Variants in TNRC18 observed in about 807,000 individuals in gnomAD.
The protein encoded by TNRC18 is trinucleotide repeat containing 18.
In TNRC18, 69 loss-of-function variants were observed where a neutral mutation model predicts 226.7. The ratio of observed to expected loss-of-function variants is 0.30; its 90% CI spans 0.25 to 0.37. The LOEUF (loss-of-function observed/expected upper bound fraction) is 0.37, where lower values mean the gene tolerates loss of function less well. Among genes scored for constraint, TNRC18 ranks in the 10% least tolerant of loss-of-function variants. TNRC18 has a pLI of 1.00. For missense variants in TNRC18, 4,754 were observed against 4,256.6 expected (o/e 1.12, Z -3.25); for synonymous variants, 2,449 against 1,927.6 (o/e 1.27, Z -7.09).
Position 5,388,115 on chromosome 7 carries a change from G to A in TNRC18, c.1709C>T (p.Ala570Val), listed in dbSNP as rs769286782. 1 of 1,553,184 alleles carries A rather than the reference G, an allele frequency of 6.4e-7. No homozygotes were observed. ...RSAATCGRPVADMHSAAHGSG... is the reference protein window; with the variant it reads ...RSAATCGRPVVDMHSAAHGSG... The stretch of plus-strand genomic sequence containing the variant: ...CCCGTGGGCCGCAGAGTGCATGTCA[G>A]CGACCGGCCGGCCGCAGGTGGCCGC... The change falls in exon 5 of 30, where the codon GCT becomes GTT. Residue 570 changes from alanine (A) to valine (V), a missense_variant. By Grantham distance (64) the Ala-to-Val change is moderately conservative (BLOSUM62 0). Transcript: ENST00000430969.
Position 5,332,730 on chromosome 7 carries a change from C to A in TNRC18, c.6039G>T (p.Ala2013=). 1.3e-6 allele frequency: 2 copies of A among 1,524,168 alleles called. No homozygotes were observed. The highest frequency in any genetic ancestry group is 1.8e-6 in the Non-Finnish European group (2 of 1,140,726). The allele number at this position is 1,524,168 out of a possible 1,614,324, so 94.4% of individuals were successfully genotyped here. A position where few individuals can be genotyped will look rare whatever the true frequency, so the allele number is the denominator to read the frequency against. The change falls in exon 19 of 30, where the codon GCG becomes GCT. Residue 2013 remains alanine, a synonymous_variant. Transcript: ENST00000430969. The part of the protein sequence containing the change: ...FLHDASAAAP[A]PVSTAPATKT... ...TGGTGGCGGGCGCGGTGCTGACGGG[C>A]GCAGGTGCAGCAGCCGAGGCGTCGT...
intron 15 of TNRC18, 64 bp downstream of exon 15, chr7:5,359,334 C>CT: frequency 1.3e-6 from 2 of 1,575,610 alleles, no homozygotes; most frequent in African/African-American, 1.3e-5. Flanking sequence ...AGCGTGAACT[C>CT]TTAACACACC....
chr7:5,320,259 A>T, intron 24 of TNRC18, 59 bp downstream of exon 24: 1 of 1,395,592 alleles, frequency 7.2e-7, no homozygotes, highest in Non-Finnish European at 9.9e-7. Context: ...TTTAGTAGCC[A>T]AACAAGTCCA....
Position 5,374,497 on chromosome 7 carries a change from C to T in TNRC18, c.2800-13G>A. On this transcript the variant is annotated splice_polypyrimidine_tract_variant and intron_variant, in intron 9 of 29. Transcript: ENST00000430969. ...TCAACCGCTCCTGCTGGGAAGGGGCCGGCAGGCAGGGTCAGCACGGCACGA... is the reference window on the plus strand; with the variant it reads ...TCAACCGCTCCTGCTGGGAAGGGGCTGGCAGGCAGGGTCAGCACGGCACGA... 2 of 1,541,474 alleles carry T rather than the reference C, an allele frequency of 1.3e-6. No homozygotes were observed. The highest frequency in any genetic ancestry group is 2.5e-5 in the East Asian group (1 of 39,806).
At chr7:5,395,140 G>A (rs1191723831) in intron 2 of TNRC18, among the ~76,000 whole-genome samples, 2 of 152,122 alleles carry the variant, frequency 1.3e-5, no homozygotes, top group Non-Finnish European at 2.9e-5. Flanking sequence ...AGAAGGTGAG[G>A]CTCAGAGATG....
intron 18 of TNRC18, among the ~76,000 whole-genome samples, chr7:5,336,770 G>A (rs560691299): frequency 1.3e-5 from 2 of 152,076 alleles, no homozygotes; most frequent in Non-Finnish European, 2.9e-5. Context: ...ATAAAACTGA[G>A]AAGTACAATT....
chr7:5,394,466 T>G lies in TNRC18; in HGVS notation c.317A>C (p.Gln106Pro). 1 of 1,555,578 alleles carries G rather than the reference T, an allele frequency of 6.4e-7. No individual in the cohort carries two copies. Among genetic ancestry groups the G allele is most frequent in the Non-Finnish European group, 8.7e-7 (1 of 1,150,944 alleles). The change falls in exon 3 of 30, where the codon CAG (glutamine) becomes CCG (proline). Residue 106 changes from glutamine (Q) to proline (P), a missense_variant. By Grantham distance (76) the Gln-to-Pro change is moderately conservative. Coordinates refer to ENST00000430969, the MANE Select transcript of TNRC18 (RefSeq NM_001080495.3). The surrounding 1 kb of genome is among the most constrained non-coding windows in gnomAD (Gnocchi z 4.5). ...SPTPSNLPMV[Q>P]LWAAHAHEGF... is the part of the protein sequence containing the mutation. ...TTCATGGGCGTGGGCGGCCCACAGCTGCACCATGGGCAGGTTGCTAGGGGT... is the reference window on the plus strand; with the variant it reads ...TTCATGGGCGTGGGCGGCCCACAGCGGCACCATGGGCAGGTTGCTAGGGGT...
chr7:5,363,472 C>T (rs551902195), intron 11 of TNRC18, among the ~76,000 whole-genome samples: 70 of 152,210 alleles, frequency 4.6e-4, no homozygotes, highest in Non-Finnish European at 7.2e-4. Context: ...GGTGTGGTGG[C>T]GGGCGCCTGT....
At position 5,418,851 on chromosome 7, in the gene TNRC18, C is replaced by G. The variant is rs572125214; in HGVS notation, c.187+2209G>C. Among the ~76,000 whole-genome samples the G allele has an allele frequency of 2.2e-4, 33 of 152,202 alleles. 1 individual carries two copies. The highest frequency in any genetic ancestry group is 5.2e-4 in the Admixed American group (8 of 15,284). On this transcript the variant is annotated intron_variant, in intron 2 of 29. Transcript: ENST00000430969. The stretch of plus-strand genomic sequence containing the variant: ...GAGAGTGAATGGGAGCTGCTCCCAC[C>G]TCGTGGCTAATGGGATTAGCACGGG...
At chr7:5,393,453 C>A (rs748503279) in intron 3 of TNRC18, among the ~76,000 whole-genome samples, 1 of 152,238 alleles carries the variant, frequency 6.6e-6, no homozygotes, top group Non-Finnish European at 1.5e-5. Context: ...CTGGGCTGAA[C>A]ACAGCAGCCG....
rs192422635 is a variant in TNRC18 at position 5,321,721 on chromosome 7, G to C, written c.6443-531C>G. On this transcript the variant is annotated intron_variant, in intron 21 of 29. Coordinates refer to ENST00000430969, the MANE Select transcript of TNRC18 (RefSeq NM_001080495.3). Reference sequence around the variant, plus strand: ...AGTTTCAATCTTGTTGCCCAGGCTGGAGTGCAATGGCATGATCTCGGCTCA... The same window carrying C: ...AGTTTCAATCTTGTTGCCCAGGCTGCAGTGCAATGGCATGATCTCGGCTCA... Among the ~76,000 whole-genome samples, 817 of 151,728 alleles carry C rather than the reference G, an allele frequency of 5.4e-3. 8 individuals carry two copies. The highest frequency in any genetic ancestry group is 0.019 in the African/African-American group (782 of 41,362).
At chr7:5,352,169 G>T (rs189570166) in intron 16 of TNRC18, 75 bp from the exon 17 acceptor site, 8 of 1,441,638 alleles carry the variant, frequency 5.5e-6, no homozygotes, top group Non-Finnish European at 7.4e-6. Flanking sequence ...TGGTTTTAAT[G>T]GTTCTGAGAA....
chr7:5,382,120 C>G (rs1248881452), intron 5 of TNRC18, among the ~76,000 whole-genome samples: 1 of 152,228 alleles, frequency 6.6e-6, no homozygotes, highest in Non-Finnish European at 1.5e-5. Flanking sequence ...TCCCAGCCCT[C>G]ATCCCTATCT....
In TNRC18 at chr7:5,388,038, C is replaced by T; in HGVS notation, c.1786G>A (p.Ala596Thr). 1 of 1,563,060 alleles carries T rather than the reference C, an allele frequency of 6.4e-7. No individual in the cohort carries two copies. The highest frequency in any genetic ancestry group is 8.7e-7 in the Non-Finnish European group (1 of 1,154,638). The change falls in exon 5 of 30, where the codon GCC becomes ACC. Residue 596 changes from alanine to threonine, a missense_variant. Coordinates refer to ENST00000430969, the MANE Select transcript of TNRC18 (RefSeq NM_001080495.3). ...GGGCGCACGGCCACGGCGTCCCGGG[C>T]AAAGCTGCCACTGTACTTTATAAGG... The part of the protein sequence containing the change: ...QSLIKYSGSF[A>T]RDAVAVRPGG...
chr7:5,355,831 T>C (rs6651074), intron 16 of TNRC18, among the ~76,000 whole-genome samples: 37,647 of 151,996 alleles, frequency 0.25, 4,792 homozygotes, highest in Non-Finnish European at 0.27. Context: ...TGAGTTATGA[T>C]GGCCCCACTG....
In TNRC18 at chr7:5,388,744, G is replaced by C. The variant is rs1295218053; in HGVS notation, c.1080C>G (p.Phe360Leu). Residue 360 changes from phenylalanine to leucine, a missense_variant, in exon 5 of 30, where the codon TTC becomes TTG. Coordinates refer to ENST00000430969, the MANE Select transcript of TNRC18 (RefSeq NM_001080495.3). The stretch of plus-strand genomic sequence containing the variant: ...CGCGGTGCTCACGGCCCTGCTCGCG[G>C]AAGACGGTGTAGACGCCGGCGGGGG... ...AATPAGVYTV[F>L]REQGREHRVV... 38 of 1,252,142 alleles carry C rather than the reference G, an allele frequency of 3.0e-5. No homozygotes were observed. Among genetic ancestry groups the C allele is most frequent in the Non-Finnish European group, 3.6e-5 (36 of 996,582 alleles). 77.6% of individuals were successfully genotyped at this position (1,252,142 alleles called of 1,614,324 possible). A position where few individuals can be genotyped will look rare whatever the true frequency, so the allele number is the denominator to read the frequency against.
intron 11 of TNRC18, 80 bp from the exon 12 acceptor site, chr7:5,362,905 A>AGCGCAGGCCCCAGGCCACACGT (rs1362922332): frequency 1.4e-6 from 2 of 1,395,472 alleles, no homozygotes; most frequent in East Asian, 5.2e-5. Flanking sequence ...GCCCAAAGCA[A>AGCGCAGGCCCCAGGCCACACGT]GCGCAGGCCC....
At chr7:5,379,640 C>T (rs986150903) in intron 5 of TNRC18, among the ~76,000 whole-genome samples, 27 of 152,220 alleles carry the variant, frequency 1.8e-4, no homozygotes, top group African/African-American at 6.5e-4. Flanking sequence ...CTTGTCCCTG[C>T]CACCCTGCCC....
At chr7:5,346,868 G>A (rs1283751597) in intron 17 of TNRC18, among the ~76,000 whole-genome samples, 1 of 152,194 alleles carries the variant, frequency 6.6e-6, no homozygotes, top group African/African-American at 2.4e-5. Context: ...AACAGAAACA[G>A]GGCCACCCCC....
Sources: gnomAD v4.1 joint callset for allele counts (sites outside exome capture counted in the v4.1 genomes callset) on GRCh38, gnomAD v4.1.1 for gene constraint, Gnocchi (gnomAD v3.1) non-coding constraint, MANE v1.5 for transcripts, NCBI Gene and HGNC (gene_info 2026-07-23, HGNC 2026-07-21) for gene names.